Variants in FCSK observed in about 807,000 individuals in gnomAD.
FCSK encodes L-fucose kinase.
In FCSK, 123 loss-of-function variants were observed where a neutral mutation model predicts 122.5. The ratio of observed to expected loss-of-function variants is 1.00; its 90% CI spans 0.87 to 1.17. The LOEUF is 1.17. Among genes scored for constraint, FCSK ranks in the 50% most tolerant of loss-of-function variants. FCSK has a pLI of 0.00. For missense variants in FCSK, 1,366 were observed against 1,450.4 expected, an observed-to-expected ratio of 0.94 and a Z score of 0.95; for synonymous variants, 620 against 625.5, an observed-to-expected ratio of 0.99 and a Z score of 0.13.
At chr16:70,465,073 C>T in intron 3 of FCSK, 53 bp from the exon 4 acceptor site, 1 of 1,607,570 alleles carries the variant, frequency 6.2e-7, no homozygotes, top group Non-Finnish European at 8.5e-7. Flanking sequence ...GGGTGCCATC[C>T]TCCAGGGCGT....
intron 22 of FCSK, 180 bp from the exon 23 acceptor site, chr16:70,479,000 C>T: frequency 1.5e-6 from 1 of 652,004 alleles, no homozygotes; most frequent in Admixed American, 2.3e-5. Context: ...TGGTTGCTTC[C>T]TGCACATTGG....
intron 13 of FCSK, among the ~76,000 whole-genome samples, chr16:70,472,060 C>T (rs1597626773): frequency 1.3e-5 from 2 of 152,126 alleles, no homozygotes; most frequent in Non-Finnish European, 1.5e-5. Flanking sequence ...CTGCCTGCCT[C>T]GGCCTCCCAA....
intron 1 of FCSK, chr16:70,454,857 C>T (rs567944727): frequency 6.6e-6 from 1 of 152,364 alleles, no homozygotes; most frequent in African/African-American, 2.4e-5. Context: ...AGGGGAGCCC[C>T]GCGACCCGGC....
chr16:70,463,922 C>A lies in FCSK; in HGVS notation c.234+148C>A. 3.5e-6 allele frequency: 3 copies of A among 867,184 alleles called. No homozygotes were observed. In the South Asian group the frequency reaches 5.3e-5, roughly 15 times the overall value. The allele number at this position is 867,184 out of a possible 1,614,324, so 53.7% of individuals were successfully genotyped here. ...TTCTGTAAATTGGGCGGACTCATCT[C>A]TGCCTTGCCGTTCAAGTGAGGGCAG... On this transcript the variant is annotated intron_variant, in intron 3 of 23. Transcript: ENST00000288078.
chr16:70,470,207 C>A, intron 10 of FCSK, 107 bp from the exon 11 acceptor site: 2 of 724,014 alleles, frequency 2.8e-6, no homozygotes, highest in Non-Finnish European at 4.8e-6. Context: ...CTTCCCCTAA[C>A]AGGCTCATGG....
intron 14 of FCSK, 27 bp downstream of exon 14, chr16:70,472,632 G>A (rs1050695216): frequency 1.3e-6 from 2 of 1,581,514 alleles, no homozygotes; most frequent in Non-Finnish European, 1.7e-6. Flanking sequence ...TAGGGCCTCT[G>A]TGGGCCTGGG....
chr16:70,467,177 C>T, intron 6 of FCSK, 197 bp from the exon 7 acceptor site: 1 of 625,690 alleles, frequency 1.6e-6, no homozygotes, highest in Non-Finnish European at 2.8e-6. Flanking sequence ...CCCTTCTGTC[C>T]CACAGGGCTC....
At position 70,475,365 on chromosome 16, in the gene FCSK, C is replaced by T. The variant is rs1298180576; in HGVS notation, c.2393C>T (p.Ala798Val). 1.9e-5 allele frequency: 30 copies of T among 1,610,256 alleles called. No individual in the cohort carries two copies. The highest frequency in any genetic ancestry group is 2.7e-5 in the African/African-American group (2 of 74,906). The change falls in exon 19 of 24, where the codon GCG (alanine) becomes GTG (valine). Residue 798 changes from alanine to valine, a missense_variant. By Grantham distance (64) the Ala-to-Val change is moderately conservative. Coordinates refer to ENST00000288078, the MANE Select transcript of FCSK (RefSeq NM_145059.3). ...QPHAPGALLK[A>V]AFICAGIVHV... ...CCTTCTGCAGGGGCCCTGCTGAAGGCGGCCTTCATCTGTGCAGGGATCGTG... is the reference window on the plus strand; with the variant it reads ...CCTTCTGCAGGGGCCCTGCTGAAGGTGGCCTTCATCTGTGCAGGGATCGTG...
At chr16:70,460,002 A>T (rs1237760511) in intron 1 of FCSK, among the ~76,000 whole-genome samples, 1 of 150,674 alleles carries the variant, frequency 6.6e-6, no homozygotes, top group Non-Finnish European at 1.5e-5. Context: ...GGGTTTCACC[A>T]TGTTGGCCAG....
rs532170114 is a variant in FCSK, at chr16:70,474,560, A to T, written c.2021A>T (p.Tyr674Phe). ...PALLVRAARHYEGAGQILIRQ... is the reference protein window; with the variant it reads ...PALLVRAARHFEGAGQILIRQ... ...TTGCTGGTGCGAGCGGCCCGCCACT[A>T]TGAGGGGGCTGGTCAGATCCTGATC... Residue 674 changes from tyrosine to phenylalanine, a missense_variant, in exon 17 of 24, where the codon TAT becomes TTT. Tyr to Phe is a conservative substitution (Grantham distance 22). Transcript: ENST00000288078. 1.3e-6 allele frequency: 2 copies of T among 1,555,506 alleles called. No homozygotes were observed. Among genetic ancestry groups the T allele is most frequent in the African/African-American group, 2.7e-5 (2 of 73,520 alleles).
intron 18 of FCSK, 77 bp downstream of exon 18, chr16:70,475,088 G>A: frequency 7.3e-7 from 1 of 1,376,272 alleles, no homozygotes; most frequent in South Asian, 1.3e-5. Context: ...CTGCAGGCCA[G>A]TGGGGTCTGG....
At chr16:70,458,967 A>C (rs927063020) in intron 1 of FCSK, among the ~76,000 whole-genome samples, 1 of 151,416 alleles carries the variant, frequency 6.6e-6, no homozygotes, top group Non-Finnish European at 1.5e-5. Context: ...TAAATTAATA[A>C]AAAAAAAGGC....
intron 7 of FCSK, 156 bp from the exon 8 acceptor site, chr16:70,467,730 G>A (rs1294354674): frequency 8.9e-6 from 6 of 677,822 alleles, no homozygotes; most frequent in South Asian, 1.8e-5. Context: ...CCATCATGGA[G>A]TAGAAATCTC....
chr16:70,455,701 G>C (rs978110187), intron 1 of FCSK, among the ~76,000 whole-genome samples: 2 of 152,000 alleles, frequency 1.3e-5, no homozygotes, highest in African/African-American at 4.8e-5. Flanking sequence ...AGACCAGCGT[G>C]GCCAACATGG....
intron 20 of FCSK, 119 bp downstream of exon 20, chr16:70,475,886 G>T: frequency 9.4e-7 from 1 of 1,069,146 alleles, no homozygotes; most frequent in East Asian, 2.9e-5. Context: ...CTGTGCTGCT[G>T]TTGGAAATAC....
chr16:70,475,825 G>T (rs1028455972), intron 20 of FCSK, 58 bp downstream of exon 20: 31 of 1,475,434 alleles, frequency 2.1e-5, no homozygotes, highest in Middle Eastern at 3.9e-4. Context: ...GGGCCCGCGG[G>T]GGGAGTGGGG....
intron 6 of FCSK, 45 bp downstream of exon 6, chr16:70,466,999 C>A: frequency 1.3e-6 from 2 of 1,571,888 alleles, no homozygotes; most frequent in Non-Finnish European, 1.7e-6. Flanking sequence ...GTCACAGCCA[C>A]AGCAAGAAGC....
At chr16:70,456,131 C>G (rs1344325731) in intron 1 of FCSK, among the ~76,000 whole-genome samples, 1 of 152,230 alleles carries the variant, frequency 6.6e-6, no homozygotes, top group Non-Finnish European at 1.5e-5. Context: ...GTGATCACAT[C>G]ACTGCGTTCC....
intron 13 of FCSK, 136 bp from the exon 14 acceptor site, chr16:70,472,405 G>T: frequency 1.6e-6 from 1 of 631,184 alleles, no homozygotes; most frequent in South Asian, 2.1e-5. Flanking sequence ...ACTCCAGCCT[G>T]GGTGGGTCAA....
Sources: gnomAD v4.1 joint callset for allele counts (sites outside exome capture counted in the v4.1 genomes callset) on GRCh38, gnomAD v4.1.1 for gene constraint, MANE v1.5 for transcripts, NCBI Gene and HGNC (gene_info 2026-07-23, HGNC 2026-07-21) for gene names.